The following JADE3 variants were observed in gnomAD, a reference collection of about 807,000 sequenced individuals.
JADE3 encodes the protein jade family PHD finger 3, also known as protein Jade-3.
Under a neutral mutation model 50.1 loss-of-function variants are expected in JADE3, and 2 were observed. That is an observed-to-expected ratio of 0.04 (90% CI 0.02 to 0.13). The LOEUF is 0.13. Ranked by LOEUF, JADE3 falls within the 10% of genes least tolerant of loss-of-function variation. JADE3 has a pLI of 1.00. For missense variants in JADE3, 475 were observed against 634.4 expected, an observed-to-expected ratio of 0.75 and a Z score of 2.70; for synonymous variants, 218 against 232.9, an observed-to-expected ratio of 0.94 and a Z score of 0.58.
At chrX:47,000,549 A>G (rs2074559015) in intron 4 of JADE3, among the ~76,000 whole-genome samples, 1 of 110,777 alleles carries the variant, frequency 9.0e-6, no homozygotes, top group African/African-American at 3.3e-5. Context: ...ACAGTAATTT[A>G]TTTTCATTTT....
intron 4 of JADE3, among the ~76,000 whole-genome samples, chrX:47,003,102 CATTG>C (rs1435442198): frequency 1.8e-5 from 2 of 111,036 alleles, no homozygotes; most frequent in African/African-American, 6.6e-5. Flanking sequence ...TTATAGATTA[CATTG>C]ATTGATTTTT....
At chrX:46,999,305 C>A (rs1284520216) in intron 4 of JADE3, among the ~76,000 whole-genome samples, 1 of 107,126 alleles carries the variant, frequency 9.3e-6, no homozygotes, top group Non-Finnish European at 1.9e-5. Flanking sequence ...CTTAAAGACC[C>A]CACCTCCCAA....
chrX:47,046,124 T>G, intron 8 of JADE3, among the ~76,000 whole-genome samples: 1 of 109,655 alleles, frequency 9.1e-6, no homozygotes, highest in South Asian at 3.9e-4. Flanking sequence ...TCACCAAACC[T>G]TTAGCCCAAC....
intron 7 of JADE3, among the ~76,000 whole-genome samples, chrX:47,038,672 AG>A (rs1250154567): frequency 1.3e-4 from 12 of 95,893 alleles, no homozygotes; most frequent in African/African-American, 4.9e-4. Context: ...AAAAAAAAAA[AG>A]AAGAAAGAAA....
At chrX:47,015,101 T>C (rs1484416409) in intron 4 of JADE3, among the ~76,000 whole-genome samples, 1 of 112,389 alleles carries the variant, frequency 8.9e-6, no homozygotes, top group African/African-American at 3.2e-5. Context: ...AAGAATGTTA[T>C]AGCAATTCAC....
chrX:46,931,781 T>A lies in JADE3; in HGVS notation c.-12+19062T>A, dbSNP rs782586658. On this transcript the variant is annotated intron_variant, in intron 1 of 10. Transcript: ENST00000614628. Reference sequence around the variant, plus strand: ...AAGCAATTATGCTGAAGAAATCCATTTATTTGATAAATGTGGCTAAATATA... The same window carrying A: ...AAGCAATTATGCTGAAGAAATCCATATATTTGATAAATGTGGCTAAATATA... Among the ~76,000 whole-genome samples, 32 of 112,241 alleles carry A rather than the reference T, an allele frequency of 2.9e-4. 1 individual carries two copies. The highest frequency in any genetic ancestry group is 4.6e-3 in the Middle Eastern group (1 of 218).
chrX:47,026,854 T>C (rs909694683), intron 5 of JADE3, among the ~76,000 whole-genome samples: 3 of 111,189 alleles, frequency 2.7e-5, no homozygotes, highest in African/African-American at 9.8e-5. Context: ...GTGTCAAAGT[T>C]TACATAGCTA....
chrX:46,931,495 C>G (rs1314698745), intron 1 of JADE3, among the ~76,000 whole-genome samples: 9 of 110,053 alleles, frequency 8.2e-5, no homozygotes, highest in Admixed American at 3.9e-4. Context: ...GATCTCAGCT[C>G]ACTGCAACCT....
intron 9 of JADE3, 101 bp downstream of exon 9, chrX:47,054,729 G>T (rs782381137): frequency 2.2e-4 from 108 of 491,372 alleles, no homozygotes; most frequent in Non-Finnish European, 3.5e-4. Context: ...TAATAGTGTG[G>T]GCTTCTGTGT....
At chrX:46,989,879 T>C (rs1556355500) in intron 3 of JADE3, among the ~76,000 whole-genome samples, 1 of 110,823 alleles carries the variant, frequency 9.0e-6, no homozygotes, top group Non-Finnish European at 1.9e-5. Flanking sequence ...CTCAGGCACT[T>C]TTCTTTTTTT....
chrX:46,920,621 A>G (rs1187256192), intron 1 of JADE3, among the ~76,000 whole-genome samples: 1 of 112,541 alleles, frequency 8.9e-6, no homozygotes, highest in Non-Finnish European at 1.9e-5. Context: ...AAATTACCAA[A>G]CTATGTTCCA....
chrX:46,975,719 T>C (rs868926391), intron 1 of JADE3, among the ~76,000 whole-genome samples: 46 of 59,158 alleles, frequency 7.8e-4, no homozygotes, highest in East Asian at 5.6e-3. Flanking sequence ...TTTTTCTTTT[T>C]TTTTTTTTTT....
chrX:47,014,761 G>A (rs1333189259), intron 4 of JADE3, among the ~76,000 whole-genome samples: 1 of 111,260 alleles, frequency 9.0e-6, no homozygotes, highest in Non-Finnish European at 1.9e-5. Context: ...ATTTTTATTG[G>A]TTAATTTTAT....
At position 47,058,420 on chromosome X, in the gene JADE3, G is replaced by C. The variant is rs1556373882; in HGVS notation, c.1815G>C (p.Leu605Phe). 1 of 1,211,573 alleles carries C rather than the reference G, an allele frequency of 8.3e-7. No individual in the cohort carries two copies. The change falls in exon 11 of 11, where the codon TTG (leucine) becomes TTC (phenylalanine). Residue 605 changes from leucine (L) to phenylalanine (F), a missense_variant. Physicochemically the swap from Leu to Phe is conservative, Grantham distance 22. Around this residue, in one of 6 missense-constraint regions of JADE3, gnomAD observed 243 missense variants for 238.2 expected, o/e 1.02. Coordinates refer to ENST00000614628, the MANE Select transcript of JADE3 (RefSeq NM_014735.5). ...CACTAGAGAGCAAGAATAACCGTTT[G>C]CTGGCCAGTCTCAGCCATTCTAGGA... ...RYPLESKNNRLLASLSHSRSE... is the reference protein window; with the variant it reads ...RYPLESKNNRFLASLSHSRSE...
At chrX:46,922,937 T>G (rs1263816959) in intron 1 of JADE3, among the ~76,000 whole-genome samples, 1 of 111,781 alleles carries the variant, frequency 8.9e-6, no homozygotes, top group Non-Finnish European at 1.9e-5. Context: ...TAGGTAAATA[T>G]TTGATATGTT....
At chrX:46,936,208 G>A (rs782616293) in intron 1 of JADE3, among the ~76,000 whole-genome samples, 2 of 109,929 alleles carry the variant, frequency 1.8e-5, no homozygotes, top group African/African-American at 6.6e-5. Flanking sequence ...TAGTAGAAAC[G>A]GGGTTTCGCC....
At chrX:46,969,057 T>C (rs1602388637) in intron 1 of JADE3, among the ~76,000 whole-genome samples, 1 of 112,139 alleles carries the variant, frequency 8.9e-6, no homozygotes, top group East Asian at 2.8e-4. Flanking sequence ...CCTCAACAAA[T>C]GGAAAAGAAG....
Position 46,948,827 on chromosome X carries a change from G to A in JADE3, c.-11-36057G>A, listed in dbSNP as rs989195750. On this transcript the variant is annotated intron_variant, in intron 1 of 10. Coordinates refer to ENST00000614628, the MANE Select transcript of JADE3 (RefSeq NM_014735.5). The stretch of plus-strand genomic sequence containing the variant: ...GAGTACCCCTTTCTTCTACCGCAGG[G>A]GTTACCAGGTTACTGCTATCTTGAA... 3.4e-4 allele frequency among the ~76,000 whole-genome samples: 38 copies of A among 111,272 alleles called. 1 individual carries two copies. In the Admixed American group the frequency reaches 3.6e-3, roughly 11 times the overall value.
intron 5 of JADE3, among the ~76,000 whole-genome samples, chrX:47,027,249 T>C (rs193060528): frequency 8.9e-6 from 1 of 112,417 alleles, no homozygotes; most frequent in East Asian, 2.8e-4. Flanking sequence ...AATTCCAGAA[T>C]TGAAGTTAGA....
Sources: gnomAD v4.1 joint callset for allele counts (sites outside exome capture counted in the v4.1 genomes callset) on GRCh38, gnomAD v4.1.1 for gene constraint, gnomAD v4.1.1 regional missense constraint, MANE v1.5 for transcripts, NCBI Gene and HGNC (gene_info 2026-07-23, HGNC 2026-07-21) for gene names.